ZDHHC13: variants seen among roughly 807,000 people sequenced by gnomAD.
ZDHHC13 encodes the protein palmitoyltransferase ZDHHC13.
A neutral mutation model predicts 86.0 loss-of-function variants in ZDHHC13; 85 were observed. The ratio of observed to expected loss-of-function variants is 0.99; its 90% CI spans 0.83 to 1.18. The LOEUF (loss-of-function observed/expected upper bound fraction) is 1.18, where lower values mean the gene tolerates loss of function less well. ZDHHC13 is among the 50% of genes most tolerant of loss of function. The pLI, the probability that ZDHHC13 is intolerant of heterozygous loss-of-function variation, is 0.00. For missense variants in ZDHHC13, 711 were observed against 730.2 expected, an observed-to-expected ratio of 0.97 and a Z score of 0.30; for synonymous variants, 263 against 246.4, an observed-to-expected ratio of 1.07 and a Z score of -0.63.
chr11:19,161,011 A>T (rs1849895764), intron 10 of ZDHHC13, among the ~76,000 whole-genome samples: 1 of 151,952 alleles, frequency 6.6e-6, no homozygotes, highest in South Asian at 2.1e-4. Flanking sequence ...CAACCATATG[A>T]ACCTGCTACT....
At chr11:19,129,882 G>A (rs1848953334) in intron 1 of ZDHHC13, among the ~76,000 whole-genome samples, 1 of 152,104 alleles carries the variant, frequency 6.6e-6, no homozygotes, top group African/African-American at 2.4e-5. Flanking sequence ...CATGAGGTCA[G>A]GAGATCGAGA....
intron 13 of ZDHHC13, among the ~76,000 whole-genome samples, chr11:19,165,799 A>G (rs1850049795): frequency 6.6e-6 from 1 of 152,218 alleles, no homozygotes; most frequent in Non-Finnish European, 1.5e-5. Flanking sequence ...TGTTACATGG[A>G]AGGAGGAAAG....
In ZDHHC13 at chr11:19,170,512, C is replaced by A; in HGVS notation, c.1576C>A (p.Leu526Ile). The change falls in exon 15 of 17, where the codon CTA becomes ATA. Residue 526 changes from leucine to isoleucine, a missense_variant. Leu to Ile is a conservative substitution (Grantham distance 5). Coordinates refer to ENST00000446113, the MANE Select transcript of ZDHHC13 (RefSeq NM_019028.3). ...CSPWVLYILM[L>I]ATFHFSWSTF... ...CCCTTGGGTTTTATATATCTTGATG[C>A]TAGCAACTTTCCATTTCTCATGGTC... 6.5e-7 allele frequency: 1 copy of A among 1,530,690 alleles called. No homozygotes were observed. The highest frequency in any genetic ancestry group is 8.8e-7 in the Non-Finnish European group (1 of 1,141,632). The allele number at this position is 1,530,690 out of a possible 1,614,324, so 94.8% of individuals were successfully genotyped here.
At position 19,134,797 on chromosome 11, in the gene ZDHHC13, G is replaced by A. The variant is rs187764565; in HGVS notation, c.28-8181G>A. On this transcript the variant is annotated intron_variant, in intron 1 of 16. Coordinates refer to ENST00000446113, the MANE Select transcript of ZDHHC13 (RefSeq NM_019028.3). ...GGTGCAGCAAACCACCATGGCACAT[G>A]TATACCTATGTAACAAACCTGCACG... Among the ~76,000 whole-genome samples, 1,035 of 152,166 alleles carry A rather than the reference G, an allele frequency of 6.8e-3. 8 individuals are homozygous for A. The highest frequency in any genetic ancestry group is 0.024 in the African/African-American group (976 of 41,506).
At chr11:19,141,332 A>C (rs73438350) in intron 1 of ZDHHC13, among the ~76,000 whole-genome samples, 7,859 of 152,214 alleles carry the variant, frequency 0.052, 196 homozygotes, top group East Asian at 0.06. Flanking sequence ...TAATATGTAC[A>C]TTTGGTGTAT....
At chr11:19,150,567 T>A (rs1477930141) in intron 5 of ZDHHC13, among the ~76,000 whole-genome samples, 160 bp from the exon 6 acceptor site, 1 of 152,144 alleles carries the variant, frequency 6.6e-6, no homozygotes, top group East Asian at 1.9e-4. Flanking sequence ...ATTTTTACCC[T>A]ATGGAAGTGA....
Position 19,176,162 on chromosome 11 carries a change from G to A in ZDHHC13, c.*202G>A. 2.4e-6 allele frequency: 1 copy of A among 425,144 alleles called. No homozygotes were observed. The highest frequency in any genetic ancestry group is 3.9e-6 in the Non-Finnish European group (1 of 253,510). The allele number at this position is 425,144 out of a possible 1,614,324, so 26.3% of individuals were successfully genotyped here. A position where few individuals can be genotyped will look rare whatever the true frequency, so the allele number is the denominator to read the frequency against. On this transcript the variant is annotated 3_prime_UTR_variant, in exon 17 of 17. Coordinates refer to ENST00000446113, the MANE Select transcript of ZDHHC13 (RefSeq NM_019028.3). The stretch of plus-strand genomic sequence containing the variant: ...AAGATGGACTTTTCTGATAAATCTT[G>A]GCAGACATCTAAAAAAAAAACCATA...
Position 19,163,450 on chromosome 11 carries a change from A to G in ZDHHC13, c.1233+23A>G, listed in dbSNP as rs753724462. 7.7e-6 allele frequency: 12 copies of G among 1,565,080 alleles called. No individual in the cohort carries two copies. The Middle Eastern group carries it at 8.7e-4, about 114-fold the overall frequency. The stretch of plus-strand genomic sequence containing the variant: ...GTGGTGAGATTTCTTCGTTACTGAT[A>G]TTTTTAATAGGAGGGTTTGTAAACT... On this transcript the variant is annotated intron_variant, in intron 11 of 16. Coordinates refer to ENST00000446113, the MANE Select transcript of ZDHHC13 (RefSeq NM_019028.3).
chr11:19,152,742 T>G, intron 8 of ZDHHC13, 58 bp downstream of exon 8: 1 of 1,607,892 alleles, frequency 6.2e-7, no homozygotes, highest in Non-Finnish European at 8.5e-7. Context: ...TCATTTGGTT[T>G]TGTTTATTAA....
At chr11:19,168,754 A>G (rs757087920) in intron 14 of ZDHHC13, 116 of 968,956 alleles carry the variant, frequency 1.2e-4, no homozygotes, top group Non-Finnish European at 1.4e-4. Context: ...GCCCTGCTCT[A>G]TACTCTCCTT....
intron 8 of ZDHHC13, 24 bp from the exon 9 acceptor site, chr11:19,155,772 C>G (rs1849739856): frequency 6.2e-7 from 1 of 1,604,440 alleles, no homozygotes. Flanking sequence ...CCATAAAGTT[C>G]TAAAATTCTG....
intron 1 of ZDHHC13, among the ~76,000 whole-genome samples, chr11:19,133,527 G>A (rs111635848): frequency 0.01 from 1,582 of 152,074 alleles, 11 homozygotes; most frequent in Non-Finnish European, 0.017. Context: ...TAAATTAATT[G>A]TAGTATGTTA....
intron 9 of ZDHHC13, among the ~76,000 whole-genome samples, chr11:19,158,505 T>G (rs1318632682): frequency 6.6e-6 from 1 of 152,146 alleles, no homozygotes; most frequent in Admixed American, 6.6e-5. Context: ...TTAACAAATA[T>G]CATTTTAGTC....
rs74880937 is a variant in ZDHHC13, at chr11:19,154,693, A to G, written c.874-1103A>G. On this transcript the variant is annotated intron_variant, in intron 8 of 16. Coordinates refer to ENST00000446113, the MANE Select transcript of ZDHHC13 (RefSeq NM_019028.3). Reference sequence around the variant, plus strand: ...GGACATATTTCAGTCTTTGATCTCCATGTGACATTTGACACTGAGAACATC... The same window carrying G: ...GGACATATTTCAGTCTTTGATCTCCGTGTGACATTTGACACTGAGAACATC... 6.9e-3 allele frequency among the ~76,000 whole-genome samples: 1,044 copies of G among 152,270 alleles called. 9 individuals are homozygous for G. Among genetic ancestry groups the G allele is most frequent in the African/African-American group, 0.024 (985 of 41,554 alleles).
chr11:19,155,681 T>G, intron 8 of ZDHHC13, 115 bp from the exon 9 acceptor site: 3 of 1,109,832 alleles, frequency 2.7e-6, no homozygotes, highest in Non-Finnish European at 3.7e-6. Context: ...TGTGTTAGCT[T>G]TGTTGTTGTA....
chr11:19,162,951 G>T (rs1451364237), intron 10 of ZDHHC13, among the ~76,000 whole-genome samples: 1 of 152,010 alleles, frequency 6.6e-6, no homozygotes, highest in African/African-American at 2.4e-5. Context: ...GAATGATTTT[G>T]TTAAAATGAT....
At chr11:19,152,819 G>A (rs570694259) in intron 8 of ZDHHC13, 135 bp downstream of exon 8, 13 of 1,365,530 alleles carry the variant, frequency 9.5e-6, no homozygotes, top group South Asian at 5.3e-5. Flanking sequence ...TCTTTCCCCC[G>A]CATCCTATTA....
Position 19,152,250 on chromosome 11 carries a change from C to T in ZDHHC13, c.677C>T (p.Ala226Val). Residue 226 changes from alanine to valine, a missense_variant, in exon 7 of 17, where the codon GCA becomes GTA. By Grantham distance (64) the Ala-to-Val change is moderately conservative. Transcript: ENST00000446113. ...AACACTCCACTTCACTGGGCAGTTG[C>T]AGCAGGAAATGTTAATGCAGTTGAT... ...HQNTPLHWAV[A>V]AGNVNAVDKL... 1.2e-6 allele frequency: 2 copies of T among 1,613,336 alleles called. No individual in the cohort carries two copies. Among genetic ancestry groups the T allele is most frequent in the African/African-American group, 2.7e-5 (2 of 75,008 alleles).
At chr11:19,144,931 C>T (rs552025094) in intron 2 of ZDHHC13, among the ~76,000 whole-genome samples, 4 of 152,072 alleles carry the variant, frequency 2.6e-5, no homozygotes, top group Non-Finnish European at 2.9e-5. Context: ...GCCTGGCTAA[C>T]GTGGTGAAAC....
Sources: allele counts gnomAD v4.1 joint callset (sites outside exome capture counted in the v4.1 genomes callset), GRCh38; gene constraint gnomAD v4.1.1; transcripts MANE v1.5; gene names NCBI Gene and HGNC (gene_info 2026-07-23, HGNC 2026-07-21).